RFTN1: variants seen among roughly 807,000 people sequenced by gnomAD.
RFTN1 encodes the protein raftlin, lipid raft linker 1, also known as raftlin.
A neutral mutation model predicts 46.5 loss-of-function variants in RFTN1; 26 were observed. The ratio of observed to expected loss-of-function variants is 0.56; its 90% CI spans 0.41 to 0.78. The LOEUF is 0.78. Among genes scored for constraint, RFTN1 ranks in the 30% least tolerant of loss-of-function variants. RFTN1 has a pLI of 0.00. For missense variants in RFTN1, 693 were observed against 718.7 expected, an observed-to-expected ratio of 0.96 and a Z score of 0.41; for synonymous variants, 261 against 284.2, an observed-to-expected ratio of 0.92 and a Z score of 0.82.
intron 2 of RFTN1, among the ~76,000 whole-genome samples, chr3:16,436,034 G>A (rs1171099719): frequency 6.6e-6 from 1 of 150,458 alleles, no homozygotes; most frequent in Non-Finnish European, 1.5e-5. Flanking sequence ...CATCAGTGAT[G>A]TATAAAGTTA....
intron 2 of RFTN1, among the ~76,000 whole-genome samples, chr3:16,469,361 T>C (rs1227859521): frequency 1.3e-5 from 2 of 152,228 alleles, no homozygotes; most frequent in Non-Finnish European, 1.5e-5. Context: ...AGTATCATTA[T>C]CATCATCATC....
intron 4 of RFTN1, among the ~76,000 whole-genome samples, chr3:16,404,524 G>A (rs1013773056): frequency 2.1e-4 from 31 of 147,950 alleles, no homozygotes; most frequent in African/African-American, 7.5e-4. Flanking sequence ...ACTAGAGCTC[G>A]CCAGACTAAG....
chr3:16,411,476 T>C (rs144360171), intron 3 of RFTN1, among the ~76,000 whole-genome samples: 1 of 152,334 alleles, frequency 6.6e-6, no homozygotes, highest in East Asian at 1.9e-4. Context: ...GGTAGGGTAC[T>C]GTGGCGCATA....
intron 4 of RFTN1, 132 bp from the exon 5 acceptor site, chr3:16,378,234 A>G: frequency 1.4e-6 from 1 of 723,738 alleles, no homozygotes; most frequent in Non-Finnish European, 2.3e-6. Context: ...CCAAGCTGAC[A>G]GGAACTCCAT....
chr3:16,462,560 A>G lies in RFTN1; in HGVS notation c.146-28523T>C, dbSNP rs896674221. Among the ~76,000 whole-genome samples, 5 of 152,252 alleles carry G rather than the reference A, an allele frequency of 3.3e-5. No individual in the cohort carries two copies. The South Asian group carries it at 8.3e-4, about 25-fold the overall frequency. ...ATAGGTACATGGAGAAGAAGGCAAT[A>G]TGAAGACAGAGCAGAGAGCTGCAGC... On this transcript the variant is annotated intron_variant, in intron 2 of 9. Coordinates refer to ENST00000334133, the MANE Select transcript of RFTN1 (RefSeq NM_015150.2).
intron 7 of RFTN1, among the ~76,000 whole-genome samples, chr3:16,333,310 A>T (rs533682689): frequency 6.6e-6 from 1 of 152,360 alleles, no homozygotes; most frequent in East Asian, 1.9e-4. Context: ...GTTTGACCTT[A>T]GCTAGAAAAG....
intron 1 of RFTN1, 150 bp from the exon 2 acceptor site, chr3:16,494,027 C>A (rs2076585657): frequency 1.2e-6 from 1 of 853,218 alleles, no homozygotes; most frequent in Non-Finnish European, 1.8e-6. Flanking sequence ...AATATAGGAC[C>A]TGAACACAGA....
Position 16,463,569 on chromosome 3 carries a change from A to G in RFTN1, c.146-29532T>C, listed in dbSNP as rs1294545779. On this transcript the variant is annotated intron_variant, in intron 2 of 9. Coordinates refer to ENST00000334133, the MANE Select transcript of RFTN1 (RefSeq NM_015150.2). ...CTTTGTTTAAATTTTTCATATTTTC[A>G]TCTATTTTATCCATTAAAAATTTAT... Among the ~76,000 whole-genome samples, 4 of 152,192 alleles carry G rather than the reference A, an allele frequency of 2.6e-5. No homozygotes were observed. In the East Asian group the frequency reaches 7.7e-4, roughly 29 times the overall value.
At chr3:16,508,359 C>T (rs2076844285) in intron 1 of RFTN1, among the ~76,000 whole-genome samples, 1 of 152,190 alleles carries the variant, frequency 6.6e-6, no homozygotes, top group African/African-American at 2.4e-5. Flanking sequence ...CATCTCAGTC[C>T]TGGCAGGGAG....
At chr3:16,350,299 A>G (rs1319347527) in intron 7 of RFTN1, 1 of 152,176 alleles carries the variant, frequency 6.6e-6, no homozygotes, top group Non-Finnish European at 1.5e-5. Flanking sequence ...ATTACAAGTA[A>G]TGCTGAGATA....
At chr3:16,508,696 GCACACACACACA>G (rs3029330) in intron 1 of RFTN1, among the ~76,000 whole-genome samples, 1 of 65,746 alleles carries the variant, frequency 1.5e-5, no homozygotes, top group Non-Finnish European at 3.5e-5. Flanking sequence ...TCACACGCAC[GCACACACACACA>G]CACACACACA....
At chr3:16,490,039 T>C (rs1003919936) in intron 2 of RFTN1, among the ~76,000 whole-genome samples, 2 of 152,162 alleles carry the variant, frequency 1.3e-5, no homozygotes, top group Non-Finnish European at 2.9e-5. Context: ...TTAGAACTCC[T>C]GGGAGAAAAA....
chr3:16,484,382 T>C lies in RFTN1; in HGVS notation c.145+9343A>G, dbSNP rs554174539. The stretch of plus-strand genomic sequence containing the variant: ...TGAATAAGGAATGTCATCCTGTTAT[T>C]ATCATGACCACCCAAAATTTATATA... On this transcript the variant is annotated intron_variant, in intron 2 of 9. Transcript: ENST00000334133. The surrounding 1 kb of genome is among the most constrained non-coding windows in gnomAD (Gnocchi z 4.6). Among the ~76,000 whole-genome samples, 1 of 152,212 alleles carries C rather than the reference T, an allele frequency of 6.6e-6. No homozygotes were observed. The highest frequency in any genetic ancestry group is 1.5e-5 in the Non-Finnish European group (1 of 68,024).
In RFTN1 at chr3:16,357,966, T is replaced by G. The variant is rs752741823; in HGVS notation, c.1112A>C (p.Asp371Ala). ...TGTCCATTGTTCAACCACAATAGCA[T>G]CATAGCCCTGTATGGTTTTGCTATC... Reference protein sequence around the residue: ...TEDSKTIQGYDAIVVEQWTVL... With the variant: ...TEDSKTIQGYAAIVVEQWTVL... The change falls in exon 7 of 10, where the codon GAT becomes GCT. Residue 371 changes from aspartate (D) to alanine (A), a missense_variant. Transcript: ENST00000334133. The G allele has an allele frequency of 6.2e-7, 1 of 1,612,198 alleles. No individual in the cohort carries two copies. The highest frequency in any genetic ancestry group is 2.2e-5 in the East Asian group (1 of 44,810).
In RFTN1 at chr3:16,425,159, A is replaced by G. The variant is rs2075265926; in HGVS notation, c.332+8692T>C. 6.6e-6 allele frequency among the ~76,000 whole-genome samples: 1 copy of G among 152,228 alleles called. No individual in the cohort carries two copies. The highest frequency in any genetic ancestry group is 6.5e-5 in the Admixed American group (1 of 15,280). On this transcript the variant is annotated intron_variant, in intron 3 of 9. Transcript: ENST00000334133. The surrounding 1 kb of genome is among the most constrained non-coding windows in gnomAD (Gnocchi z 4.3). ...AACTAAATTACCTACACTTATGCAT[A>G]CGATTCTCAAAATCATGTCCCTGTA...
rs140816979 is a variant in RFTN1, at chr3:16,459,173, C to T, written c.146-25136G>A. 6.6e-6 allele frequency among the ~76,000 whole-genome samples: 1 copy of T among 152,198 alleles called. No individual in the cohort carries two copies. The highest frequency in any genetic ancestry group is 2.4e-5 in the African/African-American group (1 of 41,512). On this transcript the variant is annotated intron_variant, in intron 2 of 9. Transcript: ENST00000334133. The surrounding 1 kb of genome is among the most constrained non-coding windows in gnomAD (Gnocchi z 4.2). ...CTTGAACCCCTGGGCTCAAGCAATC[C>T]ACTCGCCTTAGCCTCCCAAAGTGCT...
In RFTN1 at chr3:16,425,753, G is replaced by A. The variant is rs1271525767; in HGVS notation, c.332+8098C>T. 1.3e-5 allele frequency among the ~76,000 whole-genome samples: 2 copies of A among 152,080 alleles called. No individual in the cohort carries two copies. The highest frequency in any genetic ancestry group is 3.8e-4 in the East Asian group (2 of 5,196). ...AAACAAATAATTAACGGTGAATCCT[G>A]AAACTTCAACACACCAGAAAAGGGT... is the stretch of plus-strand genomic sequence containing the variant. On this transcript the variant is annotated intron_variant, in intron 3 of 9. Transcript: ENST00000334133. This position sits in a 1 kb window ranked among gnomAD's most constrained non-coding sequence, Gnocchi z 4.3.
At chr3:16,456,687 C>T (rs2075911845) in intron 2 of RFTN1, among the ~76,000 whole-genome samples, 1 of 152,214 alleles carries the variant, frequency 6.6e-6, no homozygotes, top group Non-Finnish European at 1.5e-5. Context: ...AAAACTAAGA[C>T]ATTTTAAAAA....
Position 16,387,716 on chromosome 3 carries a change from C to T in RFTN1, c.442-9614G>A, listed in dbSNP as rs376505506. 2.6e-5 allele frequency among the ~76,000 whole-genome samples: 4 copies of T among 151,996 alleles called. No homozygotes were observed. In the East Asian group the frequency reaches 5.8e-4, roughly 22 times the overall value. On this transcript the variant is annotated intron_variant, in intron 4 of 9. Coordinates refer to ENST00000334133, the MANE Select transcript of RFTN1 (RefSeq NM_015150.2). This position sits in a 1 kb window ranked among gnomAD's most constrained non-coding sequence, Gnocchi z 5.2. ...AACAATAGAAGTAAGCAAGCCTCGT[C>T]CACCCACCCGCCTCACCGACTCCAC...
Sources: gnomAD v4.1 joint callset for allele counts (sites outside exome capture counted in the v4.1 genomes callset) on GRCh38, gnomAD v4.1.1 for gene constraint, Gnocchi (gnomAD v3.1) non-coding constraint, MANE v1.5 for transcripts, NCBI Gene and HGNC (gene_info 2026-07-23, HGNC 2026-07-21) for gene names.